Variants in IL18 observed in about 807,000 individuals in gnomAD.
IL18 encodes the protein interleukin-18.
Under a neutral mutation model 14.2 loss-of-function variants are expected in IL18, and 8 were observed. That is an observed-to-expected ratio of 0.56 (90% confidence interval 0.33 to 1.01). The LOEUF (loss-of-function observed/expected upper bound fraction) is 1.01, where lower values mean the gene tolerates loss of function less well. IL18 is among the 50% of genes least tolerant of loss of function. The probability of loss-of-function intolerance (pLI) is 0.03; values close to 1 mark genes in which losing one functional copy is unlikely to be tolerated. For missense variants in IL18, 166 were observed against 231.1 expected, an observed-to-expected ratio of 0.72 and a Z score of 1.83; for synonymous variants, 67 against 71.0, an observed-to-expected ratio of 0.94 and a Z score of 0.28.
At chr11:112,157,742 G>T (rs1433838470) in intron 1 of IL18, among the ~76,000 whole-genome samples, 2 of 152,086 alleles carry the variant, frequency 1.3e-5, no homozygotes. Context: ...GGGAGACCGA[G>T]AAAATATGGG....
At chr11:112,155,106 C>T in intron 1 of IL18, 45 bp from the exon 2 acceptor site, 1 of 1,165,808 alleles carries the variant, frequency 8.6e-7, no homozygotes, top group Admixed American at 1.7e-5. Context: ...ATGATTGTAC[C>T]TTTTACTACT....
intron 3 of IL18, chr11:112,153,318 T>G: frequency 3.0e-6 from 1 of 331,684 alleles, no homozygotes; most frequent in Non-Finnish European, 5.6e-6. Context: ...CATGCTAATC[T>G]TAGGACCTAT....
intron 2 of IL18, among the ~76,000 whole-genome samples, chr11:112,154,281 T>C (rs1206387411): frequency 6.6e-6 from 1 of 152,092 alleles, no homozygotes; most frequent in East Asian, 1.9e-4. Context: ...TCCCAGCACT[T>C]TGGGAGGCCG....
At chr11:112,156,326 T>G (rs1354132580) in intron 1 of IL18, among the ~76,000 whole-genome samples, 1 of 152,230 alleles carries the variant, frequency 6.6e-6, no homozygotes, top group Admixed American at 6.5e-5. Context: ...TGCTTGAGAT[T>G]ACAGGCATGA....
Position 112,153,880 on chromosome 11 carries a change from A to C in IL18, c.80-277T>G, listed in dbSNP as rs5744250. ...CAATATGTAACTAAAAATAAATTTT[A>C]TAAAATTAGAGATTTTACTTTTAAA... On this transcript the variant is annotated intron_variant, in intron 2 of 5. Coordinates refer to ENST00000280357, the MANE Select transcript of IL18 (RefSeq NM_001562.4). Among the ~76,000 whole-genome samples, 4,808 of 152,290 alleles carry C rather than the reference A, an allele frequency of 0.032. 109 individuals carry two copies. The highest frequency in any genetic ancestry group is 0.044 in the Non-Finnish European group (2,999 of 68,030).
At chr11:112,162,541 T>C (rs934650232) in intron 1 of IL18, among the ~76,000 whole-genome samples, 3 of 152,016 alleles carry the variant, frequency 2.0e-5, no homozygotes, top group African/African-American at 7.2e-5. Context: ...ACAGGGTTTT[T>C]GCCATGTTGC....
At chr11:112,162,376 T>C (rs1053962127) in intron 1 of IL18, among the ~76,000 whole-genome samples, 10 of 150,938 alleles carry the variant, frequency 6.6e-5, no homozygotes, top group African/African-American at 2.4e-4. Context: ...GGTCTTGCTC[T>C]ATCACCCAGG....
At chr11:112,154,918 T>C in intron 2 of IL18, 57 bp downstream of exon 2, 1 of 1,104,976 alleles carries the variant, frequency 9.0e-7, no homozygotes. Flanking sequence ...CACAACATCT[T>C]TTCTAATTGA....
At chr11:112,147,755 T>C (rs547974222) in intron 5 of IL18, among the ~76,000 whole-genome samples, 2 of 151,166 alleles carry the variant, frequency 1.3e-5, no homozygotes, top group African/African-American at 4.8e-5. Flanking sequence ...ATATCCTAAC[T>C]GTCTTTCAGT....
chr11:112,153,275 G>T, intron 3 of IL18: 2 of 246,856 alleles, frequency 8.1e-6, no homozygotes, highest in Non-Finnish European at 1.5e-5. Flanking sequence ...TTTTTCCTAT[G>T]CAACGCTCCC....
chr11:112,155,264 G>T (rs1866513095), intron 1 of IL18, among the ~76,000 whole-genome samples: 1 of 152,088 alleles, frequency 6.6e-6, no homozygotes, highest in Admixed American at 6.5e-5. Flanking sequence ...TTGGAAGATA[G>T]AAAGCATTTT....
rs543573197 is a variant in IL18 at position 112,149,986 on chromosome 11, G to A, written c.226+86C>T. ...TCCTGTGACTTTTCATCTGAGGATT[G>A]GGACTAGCACGGAACAATGTAAGCA... On this transcript the variant is annotated intron_variant, in intron 4 of 5. Transcript: ENST00000280357. The A allele has an allele frequency of 4.4e-5, 51 of 1,147,004 alleles. No homozygotes were observed. The South Asian group carries it at 8.3e-4, about 19-fold the overall frequency. The allele number at this position is 1,147,004 out of a possible 1,614,324, so 71.1% of individuals were successfully genotyped here. A position where few individuals can be genotyped will look rare whatever the true frequency, so the allele number is the denominator to read the frequency against.
chr11:112,153,428 G>T, intron 3 of IL18, 164 bp downstream of exon 3: 1 of 449,468 alleles, frequency 2.2e-6, no homozygotes, highest in South Asian at 6.2e-5. Context: ...TATCTCTTAT[G>T]ATCATCTTCA....
chr11:112,162,832 T>C (rs12271175), intron 1 of IL18, among the ~76,000 whole-genome samples: 3,447 of 152,328 alleles, frequency 0.023, 137 homozygotes, highest in African/African-American at 0.078. Flanking sequence ...TTTGTTTTTT[T>C]GAGAAAGTCT....
chr11:112,149,558 GTTTTTTTTTT>G (rs561459069), intron 4 of IL18, among the ~76,000 whole-genome samples: 1 of 99,374 alleles, frequency 1.0e-5, no homozygotes, highest in African/African-American at 3.9e-5. Context: ...CTTTTCTTAA[GTTTTTTTTTT>G]TTTTTTTTTT....
intron 1 of IL18, among the ~76,000 whole-genome samples, chr11:112,155,413 C>T (rs568871319): frequency 3.1e-4 from 47 of 152,252 alleles, no homozygotes; most frequent in Non-Finnish European, 5.7e-4. Context: ...CACATCTAAT[C>T]GTGCCCTTTA....
intron 3 of IL18, chr11:112,153,378 A>C (rs893131867): frequency 5.0e-6 from 2 of 403,368 alleles, no homozygotes; most frequent in African/African-American, 2.1e-5. Flanking sequence ...AGAATTTTTT[A>C]AGGCATAGAG....
At chr11:112,153,859 A>G (rs1482645575) in intron 2 of IL18, among the ~76,000 whole-genome samples, 1 of 152,162 alleles carries the variant, frequency 6.6e-6, no homozygotes, top group East Asian at 1.9e-4. Flanking sequence ...AAATTTCAAT[A>G]TGTAACTAAA....
intron 3 of IL18, 53 bp from the exon 4 acceptor site, chr11:112,150,259 A>G (rs200858287): frequency 1.7e-6 from 2 of 1,194,160 alleles, no homozygotes; most frequent in Non-Finnish European, 1.2e-6. Context: ...TTGTTAATTG[A>G]CAAATAAGTA....
Sources: gnomAD v4.1 joint callset for allele counts (sites outside exome capture counted in the v4.1 genomes callset) on GRCh38, gnomAD v4.1.1 for gene constraint, MANE v1.5 for transcripts, NCBI Gene and HGNC (gene_info 2026-07-23, HGNC 2026-07-21) for gene names.